The following PPP1R21 variants were observed in gnomAD, a reference collection of about 807,000 sequenced individuals.
PPP1R21 encodes protein phosphatase 1 regulatory subunit 21, also known as KLRAQ motif containing 1.
In PPP1R21, 85 loss-of-function variants were observed where a neutral mutation model predicts 112.8. That is an observed-to-expected ratio of 0.75 (90% CI 0.63 to 0.90). The LOEUF (loss-of-function observed/expected upper bound fraction) is 0.90, where lower values mean the gene tolerates loss of function less well. PPP1R21 is among the 40% of genes least tolerant of loss of function. The probability of loss-of-function intolerance (pLI) is 0.00; values close to 1 mark genes in which losing one functional copy is unlikely to be tolerated. For synonymous variants in PPP1R21, 381 were observed against 322.3 expected, an observed-to-expected ratio of 1.18 and a Z score of -1.95; for missense variants, 1,199 against 901.5, an observed-to-expected ratio of 1.33 and a Z score of -4.23.
intron 13 of PPP1R21, among the ~76,000 whole-genome samples, chr2:48,486,154 T>A (rs1020562129): frequency 6.6e-6 from 1 of 152,100 alleles, no homozygotes; most frequent in African/African-American, 2.4e-5. Flanking sequence ...TACTTCTCAT[T>A]GCTAGTTAGG....
intron 9 of PPP1R21, among the ~76,000 whole-genome samples, chr2:48,469,261 TTGTGTGTGTG>T (rs745866100): frequency 2.2e-5 from 1 of 46,206 alleles, no homozygotes; most frequent in African/African-American, 7.5e-5. Context: ...TATATTTGAA[TTGTGTGTGTG>T]TGTGTGTGTG....
Position 48,458,113 on chromosome 2 carries a change from T to C in PPP1R21, c.274-13T>C, listed in dbSNP as rs748329101. ...ATGAAAGTTATGTGGACATAACTTA[T>C]TCTTTCCATCAGAAAAGTGGAGAAT... On this transcript the variant is annotated splice_polypyrimidine_tract_variant and intron_variant, in intron 3 of 21. Transcript: ENST00000294952. 5 of 1,573,526 alleles carry C rather than the reference T, an allele frequency of 3.2e-6. No homozygotes were observed. The highest frequency in any genetic ancestry group is 3.3e-5 in the Admixed American group (2 of 59,798).
intron 7 of PPP1R21, among the ~76,000 whole-genome samples, chr2:48,462,090 T>TA (rs1668002669): frequency 6.6e-6 from 1 of 152,240 alleles, no homozygotes; most frequent in Admixed American, 6.5e-5. Flanking sequence ...ACTGTGGCAT[T>TA]ACATTTTCCC....
At chr2:48,466,842 C>T (rs1203816945) in intron 9 of PPP1R21, among the ~76,000 whole-genome samples, 1 of 151,854 alleles carries the variant, frequency 6.6e-6, no homozygotes, top group African/African-American at 2.4e-5. Context: ...GTGAAGTCCT[C>T]AGAAGGGGAG....
intron 21 of PPP1R21, 132 bp downstream of exon 21, chr2:48,511,600 G>T (rs538059545): frequency 2.7e-6 from 3 of 1,096,242 alleles, no homozygotes; most frequent in Admixed American, 2.5e-5. Flanking sequence ...AGTGGCTTAA[G>T]CCTGTAATCC....
In PPP1R21 at chr2:48,475,815, C is replaced by T. The variant is rs1668728174; in HGVS notation, c.1225+996C>T. On this transcript the variant is annotated intron_variant, in intron 12 of 21. Transcript: ENST00000294952. The stretch of plus-strand genomic sequence containing the variant: ...TGAGCTGAGATCGTGCCATTGCGCT[C>T]CAGCCTGGGCAGCAATAGCGAAACT... Among the ~76,000 whole-genome samples the T allele has an allele frequency of 3.3e-5, 5 of 152,072 alleles. No individual in the cohort carries two copies. In the South Asian group the frequency reaches 1.0e-3, roughly 32 times the overall value.
intron 15 of PPP1R21, 130 bp from the exon 16 acceptor site, chr2:48,495,549 G>T: frequency 1.7e-6 from 1 of 601,478 alleles, no homozygotes; most frequent in Non-Finnish European, 3.0e-6. Context: ...GTGTATTAAA[G>T]AAAATAGTCT....
intron 9 of PPP1R21, among the ~76,000 whole-genome samples, chr2:48,470,736 G>T (rs898850641): frequency 3.3e-5 from 5 of 152,038 alleles, no homozygotes; most frequent in Non-Finnish European, 5.9e-5. Flanking sequence ...TGGAGAAGCA[G>T]GTGTTCAGGG....
At chr2:48,473,270 GATCATTAT>G (rs553193419) in intron 11 of PPP1R21, among the ~76,000 whole-genome samples, 63 of 151,340 alleles carry the variant, frequency 4.2e-4, no homozygotes, top group Non-Finnish European at 8.1e-4. Context: ...TTTTATTTTA[GATCATTAT>G]ATGTTATAGT....
chr2:48,493,089 T>C (rs1310585965), intron 15 of PPP1R21, among the ~76,000 whole-genome samples: 2 of 144,520 alleles, frequency 1.4e-5, no homozygotes, highest in African/African-American at 5.1e-5. Context: ...TGATCTCGGC[T>C]CCGCCTCCCG....
At chr2:48,505,428 C>T (rs950939402) in intron 17 of PPP1R21, 136 bp from the exon 18 acceptor site, 2 of 649,454 alleles carry the variant, frequency 3.1e-6, no homozygotes, top group South Asian at 2.0e-5. Flanking sequence ...TAGTAAAAGA[C>T]AGTCCAAGGA....
chr2:48,494,208 C>T (rs7557764), intron 15 of PPP1R21, among the ~76,000 whole-genome samples: 134,013 of 139,614 alleles, frequency 0.96, 64,541 homozygotes, highest in Middle Eastern at 0.99. Flanking sequence ...TACTGCACTC[C>T]AGCCCAGGGC....
chr2:48,443,710 C>T (rs986051686), intron 1 of PPP1R21, among the ~76,000 whole-genome samples: 5 of 152,318 alleles, frequency 3.3e-5, no homozygotes, highest in African/African-American at 1.2e-4. Context: ...GCTTTTTATT[C>T]CTTGTCAATT....
At chr2:48,457,392 T>G (rs1049105765) in intron 3 of PPP1R21, among the ~76,000 whole-genome samples, 1 of 152,164 alleles carries the variant, frequency 6.6e-6, no homozygotes, top group Non-Finnish European at 1.5e-5. Context: ...AAGTGAGAAG[T>G]GAGACTACAA....
At chr2:48,504,194 C>A (rs1048751697) in intron 17 of PPP1R21, among the ~76,000 whole-genome samples, 1 of 152,296 alleles carries the variant, frequency 6.6e-6, no homozygotes, top group Admixed American at 6.5e-5. Flanking sequence ...ACTTCTACTT[C>A]ATAAAGTAGA....
chr2:48,454,561 C>G lies in PPP1R21; in HGVS notation c.127-34C>G, dbSNP rs768598977. ...AAAATTTCTAAACCTTACAGCTAAA[C>G]TGTGAGGACCAATCTGTTTTCACTT... On this transcript the variant is annotated intron_variant, in intron 2 of 21. Coordinates refer to ENST00000294952, the MANE Select transcript of PPP1R21 (RefSeq NM_001135629.3). The G allele has an allele frequency of 1.1e-5, 17 of 1,613,086 alleles. No homozygotes were observed. The Middle Eastern group carries it at 2.1e-3, about 204-fold the overall frequency.
chr2:48,500,274 ATGTC>A (rs1459559232), intron 17 of PPP1R21, among the ~76,000 whole-genome samples: 1 of 152,148 alleles, frequency 6.6e-6, no homozygotes, highest in Non-Finnish European at 1.5e-5. Flanking sequence ...AGGTATCAAA[ATGTC>A]TGCAACTTAC....
chr2:48,460,219 T>C, intron 6 of PPP1R21, 66 bp downstream of exon 6: 6 of 1,461,392 alleles, frequency 4.1e-6, no homozygotes. Flanking sequence ...GTTTTGGTTG[T>C]AGCAGCTCCT....
At chr2:48,441,917 G>A (rs1487454823) in intron 1 of PPP1R21, among the ~76,000 whole-genome samples, 1 of 152,198 alleles carries the variant, frequency 6.6e-6, no homozygotes, top group Non-Finnish European at 1.5e-5. Context: ...GAGAAACTGA[G>A]ACACATTTTA....
Sources: gnomAD v4.1 joint callset for allele counts (sites outside exome capture counted in the v4.1 genomes callset) on GRCh38, gnomAD v4.1.1 for gene constraint, MANE v1.5 for transcripts, NCBI Gene and HGNC (gene_info 2026-07-23, HGNC 2026-07-21) for gene names.